Variants in PRR16 observed in about 807,000 individuals in gnomAD.
PRR16 encodes the protein proline rich 16.
In PRR16, 6 loss-of-function variants were observed where a neutral mutation model predicts 18.2. The observed-to-expected ratio is 0.33, with a 90% CI of 0.18 to 0.65. The LOEUF (loss-of-function observed/expected upper bound fraction) is 0.65, where lower values mean the gene tolerates loss of function less well. Ranked by LOEUF, PRR16 falls within the 30% of genes least tolerant of loss-of-function variation. The pLI is 0.74. For missense variants in PRR16, 412 were observed against 376.6 expected (o/e 1.09, Z -0.78); for synonymous variants, 151 against 147.8 (o/e 1.02, Z -0.16).
At chr5:120,486,853 C>G (rs1482980174) in intron 1 of PRR16, among the ~76,000 whole-genome samples, 8 of 152,186 alleles carry the variant, frequency 5.3e-5, no homozygotes, top group African/African-American at 1.9e-4. Flanking sequence ...CCAGTTTCAG[C>G]TTTCTACATA....
the PRR16 span, among the ~76,000 whole-genome samples, chr5:120,698,673 A>C: frequency 6.6e-6 from 1 of 152,018 alleles, no homozygotes; most frequent in Non-Finnish European, 1.5e-5. Flanking sequence ...CTATACAGGA[A>C]CTTAAATGGG....
intron 1 of PRR16, among the ~76,000 whole-genome samples, chr5:120,537,769 G>GTTATTTTTTTTTTTTTTTTTTTTTTT (rs1561536413): frequency 8.7e-6 from 1 of 115,198 alleles, no homozygotes; most frequent in African/African-American, 3.3e-5. Context: ...AATTTTTAAT[G>GTTATTTTTTTTTTTTTTTTTTTTTTT]TTTTTTTTTT....
intron 1 of PRR16, among the ~76,000 whole-genome samples, chr5:120,513,909 C>T (rs1750907630): frequency 6.6e-6 from 1 of 151,970 alleles, no homozygotes; most frequent in Admixed American, 6.6e-5. Flanking sequence ...CAGGTGCCCA[C>T]CACCATGCCC....
intron 1 of PRR16, among the ~76,000 whole-genome samples, chr5:120,619,291 ACTGTTTGAG>A (rs1754611798): frequency 6.6e-6 from 1 of 152,138 alleles, no homozygotes; most frequent in South Asian, 2.1e-4. Context: ...TAAATATTTA[ACTGTTTGAG>A]CTGAGTTCAG....
the PRR16 span, among the ~76,000 whole-genome samples, chr5:120,695,547 A>G: frequency 1.3e-5 from 2 of 152,058 alleles, no homozygotes; most frequent in Non-Finnish European, 2.9e-5. Flanking sequence ...TGCTCACTTG[A>G]CCTCTTGCCT....
chr5:120,649,182 C>T (rs1755693891), intron 1 of PRR16, among the ~76,000 whole-genome samples: 1 of 151,960 alleles, frequency 6.6e-6, no homozygotes, highest in Non-Finnish European at 1.5e-5. Flanking sequence ...AATAAATTGT[C>T]TAAGGGAATA....
intron 1 of PRR16, among the ~76,000 whole-genome samples, chr5:120,542,586 A>G (rs2112685387): frequency 6.6e-6 from 1 of 152,268 alleles, no homozygotes; most frequent in East Asian, 1.9e-4. Context: ...TTTAATCTCC[A>G]TCTTTTCAAC....
At chr5:120,615,384 C>CTTTTTTTT (rs10717083) in intron 1 of PRR16, among the ~76,000 whole-genome samples, 6 of 119,428 alleles carry the variant, frequency 5.0e-5, no homozygotes, top group Non-Finnish European at 7.0e-5. Flanking sequence ...TCTTTCTTTT[C>CTTTTTTTT]TTTTTTTTTT....
chr5:120,667,192 G>GGCCTTCTTTA (rs1561604269), intron 1 of PRR16, among the ~76,000 whole-genome samples: 2 of 151,976 alleles, frequency 1.3e-5, no homozygotes, highest in Non-Finnish European at 2.9e-5. Flanking sequence ...TCTTGGGAGA[G>GGCCTTCTTTA]TGTATGTGTC....
At chr5:120,748,534 A>G in the PRR16 span, among the ~76,000 whole-genome samples, 7 of 152,148 alleles carry the variant, frequency 4.6e-5, no homozygotes, top group Non-Finnish European at 1.0e-4. Context: ...GCATTAATCA[A>G]AGACATAATT....
chr5:120,745,404 A>G, the PRR16 span, among the ~76,000 whole-genome samples: 1 of 152,102 alleles, frequency 6.6e-6, no homozygotes, highest in Admixed American at 6.6e-5. Context: ...TTTAAGCAGC[A>G]TCCACTCTTT....
At chr5:120,693,021 A>T in the PRR16 span, among the ~76,000 whole-genome samples, 1 of 152,202 alleles carries the variant, frequency 6.6e-6, no homozygotes, top group East Asian at 1.9e-4. Context: ...TATTACATAA[A>T]CCTAAATTGA....
At chr5:120,722,995 T>G in the PRR16 span, among the ~76,000 whole-genome samples, 1 of 151,694 alleles carries the variant, frequency 6.6e-6, no homozygotes, top group African/African-American at 2.4e-5. Flanking sequence ...TACTAAGTTT[T>G]ACTGATGTTT....
the PRR16 span, among the ~76,000 whole-genome samples, chr5:120,718,869 G>A: frequency 6.6e-6 from 1 of 152,038 alleles, no homozygotes; most frequent in Admixed American, 6.6e-5. Flanking sequence ...AACAGTAAAA[G>A]ATTGTAACCA....
chr5:120,685,937 CT>C lies in PRR16; in HGVS notation c.160-15del. 6.2e-7 allele frequency: 1 copy of C among 1,602,482 alleles called. No individual in the cohort carries two copies. The highest frequency in any genetic ancestry group is 8.5e-7 in the Non-Finnish European group (1 of 1,173,722). On this transcript the variant is annotated splice_polypyrimidine_tract_variant and intron_variant, in intron 1 of 1. Transcript: ENST00000407149. ...TTGGGTCATTCTTCAAAACAATTAC[CT>C]TGTCCTTTCCACTAGGTGGTTGACC...
the PRR16 span, among the ~76,000 whole-genome samples, chr5:120,735,919 C>T: frequency 6.6e-6 from 1 of 151,990 alleles, no homozygotes; most frequent in Non-Finnish European, 1.5e-5. Flanking sequence ...AAGCTTTTCT[C>T]CTATGTTTGC....
At chr5:120,680,049 C>T (rs142853214) in intron 1 of PRR16, among the ~76,000 whole-genome samples, 1 of 152,180 alleles carries the variant, frequency 6.6e-6, no homozygotes, top group East Asian at 1.9e-4. Context: ...TATGCTCATT[C>T]GTTCCACTGA....
At chr5:120,480,417 A>C (rs985830087) in intron 1 of PRR16, among the ~76,000 whole-genome samples, 8 of 152,210 alleles carry the variant, frequency 5.3e-5, no homozygotes, top group African/African-American at 1.9e-4. Context: ...TAATATTTAT[A>C]CAATTTTCTT....
intron 1 of PRR16, among the ~76,000 whole-genome samples, chr5:120,500,694 T>C (rs1750420571): frequency 6.6e-6 from 1 of 152,186 alleles, no homozygotes. Flanking sequence ...GAAAACTTAT[T>C]CTTTTTTATA....
Sources: gnomAD v4.1 joint callset for allele counts (sites outside exome capture counted in the v4.1 genomes callset) on GRCh38, gnomAD v4.1.1 for gene constraint, MANE v1.5 for transcripts, NCBI Gene and HGNC (gene_info 2026-07-23, HGNC 2026-07-21) for gene names.